The following NTF3 variants were observed in gnomAD, a reference collection of about 807,000 sequenced individuals.
The protein encoded by NTF3 is neurotrophin-3.
In NTF3, 8 loss-of-function variants were observed where a neutral mutation model predicts 26.3. The observed-to-expected ratio is 0.30, with a 90% CI of 0.18 to 0.55. The LOEUF (loss-of-function observed/expected upper bound fraction) is 0.55. NTF3 is among the 20% of genes least tolerant of loss of function. The probability of loss-of-function intolerance (pLI) is 0.93; values close to 1 mark genes in which losing one functional copy is unlikely to be tolerated. For missense variants in NTF3, 276 were observed against 352.9 expected, an observed-to-expected ratio of 0.78 and a Z score of 1.75; for synonymous variants, 154 against 145.5, an observed-to-expected ratio of 1.06 and a Z score of -0.42.
chr12:5,488,715 A>G (rs1010031369), intron 1 of NTF3, among the ~76,000 whole-genome samples: 1 of 152,148 alleles, frequency 6.6e-6, no homozygotes, highest in African/African-American at 2.4e-5. Flanking sequence ...CCAGTCCCTG[A>G]ACAAGACATT....
intron 1 of NTF3, among the ~76,000 whole-genome samples, chr12:5,466,611 A>G (rs1042659308): frequency 2.0e-5 from 3 of 152,244 alleles, no homozygotes; most frequent in African/African-American, 7.2e-5. Context: ...GGGAAATGGG[A>G]ACTCGAAATC....
At chr12:5,450,492 TC>T (rs1219228220) in intron 1 of NTF3, among the ~76,000 whole-genome samples, 1 of 152,246 alleles carries the variant, frequency 6.6e-6, no homozygotes, top group Admixed American at 6.5e-5. Flanking sequence ...GTTTAATTTT[TC>T]CCTATCACAT....
intron 1 of NTF3, among the ~76,000 whole-genome samples, chr12:5,488,437 C>G: frequency 6.6e-6 from 1 of 152,172 alleles, no homozygotes; most frequent in Non-Finnish European, 1.5e-5. Context: ...CCAGACCAAT[C>G]CCCAGCGGAG....
intron 1 of NTF3, among the ~76,000 whole-genome samples, chr12:5,466,588 A>G (rs1221395204): frequency 6.6e-6 from 1 of 152,244 alleles, no homozygotes; most frequent in Non-Finnish European, 1.5e-5. Context: ...CGGGACAAGC[A>G]AAGGGATAAG....
At chr12:5,484,726 A>G (rs1453566286) in intron 1 of NTF3, among the ~76,000 whole-genome samples, 3 of 152,082 alleles carry the variant, frequency 2.0e-5, no homozygotes. Context: ...CACGATGGAT[A>G]TTTAGTAGGT....
chr12:5,492,718 G>A lies in NTF3; in HGVS notation c.19-1476G>A, dbSNP rs574915278. Among the ~76,000 whole-genome samples the A allele has an allele frequency of 8.2e-4, 125 of 152,312 alleles. 1 individual carries two copies. Among genetic ancestry groups the A allele is most frequent in the Non-Finnish European group, 1.6e-3 (111 of 68,030 alleles). ...TCACAGCAGCAAGAGGAGGCAGTAT[G>A]AGCAGAGTGCCTCACTGTTGTTGAC... On this transcript the variant is annotated intron_variant, in intron 1 of 1. Transcript: ENST00000423158.
intron 1 of NTF3, among the ~76,000 whole-genome samples, chr12:5,443,799 G>C (rs891306809): frequency 2.6e-5 from 4 of 152,094 alleles, no homozygotes; most frequent in South Asian, 2.1e-4. Context: ...CCACCACCAA[G>C]GAAACCTCCA....
At chr12:5,468,581 G>A (rs560224352) in intron 1 of NTF3, among the ~76,000 whole-genome samples, 1 of 152,190 alleles carries the variant, frequency 6.6e-6, no homozygotes, top group Non-Finnish European at 1.5e-5. Flanking sequence ...AGGCAGCCCA[G>A]GGAAAGCTCT....
upstream of NTF3, among the ~76,000 whole-genome samples, chr12:5,431,762 C>T (rs1370012119): frequency 6.6e-6 from 1 of 152,120 alleles, no homozygotes; most frequent in Non-Finnish European, 1.5e-5. Context: ...AGGCTGAAGA[C>T]ACTAACATGT....
At chr12:5,493,228 G>A (rs542966307) in intron 1 of NTF3, among the ~76,000 whole-genome samples, 17 of 152,326 alleles carry the variant, frequency 1.1e-4, no homozygotes, top group African/African-American at 3.6e-4. Flanking sequence ...GGACGCCACC[G>A]GAGTCCGGTG....
intron 1 of NTF3, among the ~76,000 whole-genome samples, chr12:5,451,085 C>G (rs775243415): frequency 3.3e-5 from 5 of 152,190 alleles, no homozygotes; most frequent in Non-Finnish European, 7.4e-5. Flanking sequence ...TCCCTTCAAT[C>G]CCTCTCCAGT....
At chr12:5,466,541 G>A (rs964098842) in intron 1 of NTF3, among the ~76,000 whole-genome samples, 2 of 152,162 alleles carry the variant, frequency 1.3e-5, no homozygotes, top group Non-Finnish European at 2.9e-5. Flanking sequence ...TTTCATTCCA[G>A]AAGTGGCATG....
chr12:5,491,279 C>T (rs563867151), intron 1 of NTF3, among the ~76,000 whole-genome samples: 5 of 152,238 alleles, frequency 3.3e-5, no homozygotes, highest in Admixed American at 2.0e-4. Context: ...TTGCTCTCTA[C>T]GAGAAAAGCT....
At chr12:5,490,798 G>A (rs969737033) in intron 1 of NTF3, among the ~76,000 whole-genome samples, 10 of 152,202 alleles carry the variant, frequency 6.6e-5, no homozygotes, top group African/African-American at 7.2e-5. Flanking sequence ...CCAAGCAGTC[G>A]GGCACCATGG....
At chr12:5,487,512 GGTT>G (rs1395613573) in intron 1 of NTF3, among the ~76,000 whole-genome samples, 1 of 152,178 alleles carries the variant, frequency 6.6e-6, no homozygotes, top group East Asian at 1.9e-4. Context: ...AGTCTTCTGA[GGTT>G]CTCTGTTTTA....
chr12:5,439,042 C>G (rs1208780148), intron 1 of NTF3, among the ~76,000 whole-genome samples: 1 of 152,182 alleles, frequency 6.6e-6, no homozygotes, highest in Non-Finnish European at 1.5e-5. Flanking sequence ...CAAGAATGCT[C>G]TAAACATTGG....
intron 1 of NTF3, among the ~76,000 whole-genome samples, chr12:5,464,348 AT>A (rs1164165621): frequency 6.6e-6 from 1 of 152,172 alleles, no homozygotes; most frequent in Non-Finnish European, 1.5e-5. Context: ...ACTTTTTAGA[AT>A]GCAGACAGCC....
intron 1 of NTF3, among the ~76,000 whole-genome samples, chr12:5,447,427 A>G (rs1307245748): frequency 1.3e-5 from 2 of 152,224 alleles, no homozygotes; most frequent in African/African-American, 4.8e-5. Flanking sequence ...TTTAAGGAAA[A>G]ATGTTCTTCA....
intron 1 of NTF3, among the ~76,000 whole-genome samples, chr12:5,483,915 G>A (rs1940837186): frequency 6.6e-6 from 1 of 152,216 alleles, no homozygotes; most frequent in African/African-American, 2.4e-5. Context: ...CCAATAGATG[G>A]TGCTACACAG....
Sources: gnomAD v4.1 joint callset for allele counts (sites outside exome capture counted in the v4.1 genomes callset) on GRCh38, gnomAD v4.1.1 for gene constraint, MANE v1.5 for transcripts, NCBI Gene and HGNC (gene_info 2026-07-23, HGNC 2026-07-21) for gene names.